The following RFC3 variants were observed in gnomAD, a reference collection of about 807,000 sequenced individuals.
RFC3 encodes the protein replication factor C subunit 3.
RFC3 carries 41 observed loss-of-function variants against 45.1 expected under a neutral mutation model. That is an observed-to-expected ratio of 0.91 (90% CI 0.71 to 1.18). The LOEUF (loss-of-function observed/expected upper bound fraction) is 1.18. Ranked by LOEUF, RFC3 falls within the 50% of genes most tolerant of loss-of-function variation. The pLI, the probability that RFC3 is intolerant of heterozygous loss-of-function variation, is 0.00. For synonymous variants in RFC3, 149 were observed against 144.0 expected, an observed-to-expected ratio of 1.03 and a Z score of -0.25; for missense variants, 423 against 428.1, an observed-to-expected ratio of 0.99 and a Z score of 0.10.
At position 33,830,371 on chromosome 13, in the gene RFC3, A is replaced by T. The variant is rs533714315; in HGVS notation, c.574-348A>T. 7.9e-5 allele frequency among the ~76,000 whole-genome samples: 12 copies of T among 152,360 alleles called. No homozygotes were observed. The East Asian group carries it at 2.3e-3, about 29-fold the overall frequency. ...GATTTTGCAAAGAGATGATGTGGGA[A>T]TACCTAGTCCCTAGGAAGGGAATTA... On this transcript the variant is annotated intron_variant, in intron 5 of 8. Coordinates refer to ENST00000380071, the MANE Select transcript of RFC3 (RefSeq NM_002915.4).
Position 33,825,786 on chromosome 13 carries a change from T to C in RFC3, c.294-3T>C, listed in dbSNP as rs1334741178. The C allele has an allele frequency of 6.3e-7, 1 of 1,585,704 alleles. No homozygotes were observed. Among genetic ancestry groups the C allele is most frequent in the Non-Finnish European group, 8.6e-7 (1 of 1,162,410 alleles). Reference sequence around the variant, plus strand: ...TATATACCATTATTTTTGTTTTGTGTAGTGATGCTGGAAATAGTGACCGAG... The same window carrying C: ...TATATACCATTATTTTTGTTTTGTGCAGTGATGCTGGAAATAGTGACCGAG... On this transcript the variant is annotated splice_region_variant and splice_polypyrimidine_tract_variant and intron_variant, in intron 3 of 8. Transcript: ENST00000380071.
At chr13:33,906,407 C>T (rs115842261) in intron 8 of RFC3, among the ~76,000 whole-genome samples, 1,877 of 152,104 alleles carry the variant, frequency 0.012, 28 homozygotes, top group African/African-American at 0.043. Flanking sequence ...TCCAGCTTTC[C>T]GGGAGATACC....
At chr13:33,976,751 G>A in the RFC3 span, among the ~76,000 whole-genome samples, 41 of 152,072 alleles carry the variant, frequency 2.7e-4, no homozygotes, top group African/African-American at 8.7e-4. Flanking sequence ...TAAATGCCCC[G>A]TGTAGACTAA....
intron 8 of RFC3, among the ~76,000 whole-genome samples, chr13:33,908,757 T>C (rs9598278): frequency 0.15 from 23,224 of 151,910 alleles, 3,572 homozygotes; most frequent in African/African-American, 0.4. Context: ...AGATCCTGTT[T>C]AAGTCCAAAG....
Position 33,837,077 on chromosome 13 carries a change from A to C in RFC3, c.*782A>C, listed in dbSNP as rs1049660737. ...CAAATTTGTGTGACAGACTCCGAAC[A>C]ATTCCTTTACTACGAAGTATAATTT... On this transcript the variant is annotated 3_prime_UTR_variant, in exon 9 of 9. Coordinates refer to ENST00000380071, the MANE Select transcript of RFC3 (RefSeq NM_002915.4). 7 of 976,894 alleles carry C rather than the reference A, an allele frequency of 7.2e-6. No homozygotes were observed. Among genetic ancestry groups the C allele is most frequent in the Non-Finnish European group, 8.5e-6 (7 of 822,208 alleles). The allele number at this position is 976,894 out of a possible 1,614,324, so 60.5% of individuals were successfully genotyped here. A position where few individuals can be genotyped will look rare whatever the true frequency, so the allele number is the denominator to read the frequency against.
At chr13:33,933,020 A>C (rs17749200) in intron 8 of RFC3, among the ~76,000 whole-genome samples, 6,810 of 152,236 alleles carry the variant, frequency 0.045, 233 homozygotes, top group Non-Finnish European at 0.071. Flanking sequence ...TAATAAATAC[A>C]ATTATACCCC....
intron 8 of RFC3, among the ~76,000 whole-genome samples, chr13:33,949,992 G>GCTT (rs1466306442): frequency 6.6e-6 from 1 of 151,664 alleles, no homozygotes; most frequent in Non-Finnish European, 1.5e-5. Context: ...TGGGTCTCCA[G>GCTT]CTTCTGACTG....
At chr13:33,893,405 C>T (rs1299657465) in intron 8 of RFC3, among the ~76,000 whole-genome samples, 2 of 151,988 alleles carry the variant, frequency 1.3e-5, no homozygotes, top group Non-Finnish European at 2.9e-5. Flanking sequence ...CCAAAAATAT[C>T]TAGACAAAGA....
downstream of RFC3, among the ~76,000 whole-genome samples, chr13:33,971,058 TATAGA>T (rs1261381304): frequency 6.6e-6 from 1 of 152,104 alleles, no homozygotes; most frequent in African/African-American, 2.4e-5. Context: ...TTAAAAAAAA[TATAGA>T]ATAGAACAGA....
rs931799416 is a variant in RFC3, at chr13:33,929,580, T to A, written c.880-36507T>A. On this transcript the variant is annotated intron_variant, in intron 8 of 8. Coordinates refer to the RFC3 transcript ENST00000434425. ...CTTAGGAATTTCTTTTTCTGGTAAATGTCATGTCATTTTAATTCATTACAA... is the reference window on the plus strand; with the variant it reads ...CTTAGGAATTTCTTTTTCTGGTAAAAGTCATGTCATTTTAATTCATTACAA... 1.6e-4 allele frequency among the ~76,000 whole-genome samples: 24 copies of A among 152,214 alleles called. No individual in the cohort carries two copies. In the Middle Eastern group the frequency reaches 0.01, roughly 65 times the overall value.
rs2082157410 is a variant in RFC3 at position 33,836,608 on chromosome 13, A to C, written c.*313A>C. On this transcript the variant is annotated 3_prime_UTR_variant, in exon 9 of 9. Coordinates refer to ENST00000380071, the MANE Select transcript of RFC3 (RefSeq NM_002915.4). ...CTTCCGTCTAATCTCTCACCTGCTA[A>C]AGGAGATTTACACATTAGAAAGCAA... is the stretch of plus-strand genomic sequence containing the variant. 9.7e-7 allele frequency: 1 copy of C among 1,029,026 alleles called. No homozygotes were observed. The highest frequency in any genetic ancestry group is 1.7e-5 in the African/African-American group (1 of 59,118). 63.7% of individuals were successfully genotyped at this position (1,029,026 alleles called of 1,614,324 possible).
intron 8 of RFC3, among the ~76,000 whole-genome samples, chr13:33,895,440 A>G (rs753883147): frequency 3.6e-4 from 55 of 152,200 alleles, no homozygotes; most frequent in Non-Finnish European, 7.5e-4. Flanking sequence ...AAAGTGGGAT[A>G]CCACCTTACT....
chr13:33,925,092 G>T (rs926427110), intron 8 of RFC3, among the ~76,000 whole-genome samples: 1 of 147,900 alleles, frequency 6.8e-6, no homozygotes, highest in African/African-American at 2.5e-5. Context: ...CGCATATATA[G>T]TGTACTATAT....
At chr13:33,861,507 G>T (rs1364348505) in intron 8 of RFC3, among the ~76,000 whole-genome samples, 1 of 152,010 alleles carries the variant, frequency 6.6e-6, no homozygotes, top group Non-Finnish European at 1.5e-5. Flanking sequence ...TTAGCCGGGT[G>T]TGGTGGTGGC....
At chr13:33,841,149 C>T (rs1347901584), downstream of RFC3, among the ~76,000 whole-genome samples, 1 of 152,170 alleles carries the variant, frequency 6.6e-6, no homozygotes, top group Non-Finnish European at 1.5e-5. Context: ...AGATTGTGTA[C>T]TCCTTATGAG....
chr13:33,929,492 A>C (rs2082838417), intron 8 of RFC3, among the ~76,000 whole-genome samples: 1 of 152,162 alleles, frequency 6.6e-6, no homozygotes, highest in Non-Finnish European at 1.5e-5. Flanking sequence ...TATAGATATT[A>C]AGAAAGATCA....
At chr13:33,822,045 C>G (rs893536745) in intron 2 of RFC3, among the ~76,000 whole-genome samples, 1 of 152,128 alleles carries the variant, frequency 6.6e-6, no homozygotes, top group East Asian at 1.9e-4. Flanking sequence ...TTGAAAAAAT[C>G]ATATGCTGAG....
intron 8 of RFC3, among the ~76,000 whole-genome samples, chr13:33,868,829 C>CCTGG (rs1261508718): frequency 6.6e-6 from 1 of 152,120 alleles, no homozygotes; most frequent in East Asian, 1.9e-4. Context: ...ATATCAAGAA[C>CCTGG]CTGGATGACT....
rs147217133 is a variant in RFC3 at position 33,874,295 on chromosome 13, A to T, written c.879+39078A>T. 1.8e-4 allele frequency among the ~76,000 whole-genome samples: 28 copies of T among 152,066 alleles called. No individual in the cohort carries two copies. The East Asian group carries it at 5.0e-3, about 27-fold the overall frequency. Reference sequence around the variant, plus strand: ...CTGGCCCAGCAATGCCACTAACTAGATGGGTGCTTCTTTTTGTTTGTTTTT... The same window carrying T: ...CTGGCCCAGCAATGCCACTAACTAGTTGGGTGCTTCTTTTTGTTTGTTTTT... On this transcript the variant is annotated intron_variant, in intron 8 of 8. Transcript: ENST00000434425.
Sources: allele counts gnomAD v4.1 joint callset (sites outside exome capture counted in the v4.1 genomes callset), GRCh38; gene constraint gnomAD v4.1.1; transcripts MANE v1.5; gene names NCBI Gene and HGNC (gene_info 2026-07-23, HGNC 2026-07-21).